Variants in TESK2 observed in about 807,000 individuals in gnomAD.
TESK2 encodes dual specificity testis-specific protein kinase 2.
TESK2 carries 39 observed loss-of-function variants against 57.1 expected under a neutral mutation model. The observed-to-expected ratio is 0.68, with a 90% confidence interval of 0.53 to 0.89. The LOEUF (loss-of-function observed/expected upper bound fraction) is 0.89. Ranked by LOEUF, TESK2 falls within the 40% of genes least tolerant of loss-of-function variation. The pLI is 0.00. For missense variants in TESK2, 646 were observed against 732.1 expected (o/e 0.88, Z 1.36); for synonymous variants, 249 against 267.9 (o/e 0.93, Z 0.69).
chr1:45,446,670 C>G (rs770610341), intron 2 of TESK2, among the ~76,000 whole-genome samples: 2 of 152,034 alleles, frequency 1.3e-5, no homozygotes, highest in Non-Finnish European at 2.9e-5. Flanking sequence ...TGCATACAAA[C>G]AGTAGGTAAT....
chr1:45,383,469 T>C (rs1453273530), intron 4 of TESK2, among the ~76,000 whole-genome samples: 1 of 152,158 alleles, frequency 6.6e-6, no homozygotes, highest in Non-Finnish European at 1.5e-5. Flanking sequence ...TGGCAATAAA[T>C]ACTCTTCCAT....
chr1:45,362,843 T>TCTAG (rs1647746575), intron 4 of TESK2, among the ~76,000 whole-genome samples: 1 of 152,072 alleles, frequency 6.6e-6, no homozygotes, highest in Non-Finnish European at 1.5e-5. Context: ...CAGAGACTAG[T>TCTAG]CTAGCCTAGA....
intron 4 of TESK2, among the ~76,000 whole-genome samples, chr1:45,357,280 C>T (rs1257084620): frequency 6.6e-6 from 1 of 151,762 alleles, no homozygotes; most frequent in Non-Finnish European, 1.5e-5. Context: ...AGGACAATGA[C>T]ATTCTACATG....
chr1:45,384,373 A>ATCTATCTGTCTGTCTG (rs1553147462), intron 4 of TESK2, among the ~76,000 whole-genome samples: 9 of 135,136 alleles, frequency 6.7e-5, no homozygotes, highest in African/African-American at 2.3e-4. Context: ...GTATCTATCT[A>ATCTATCTGTCTGTCTG]TCTATCTATC....
chr1:45,485,257 C>T (rs1449761107), intron 1 of TESK2, among the ~76,000 whole-genome samples: 1 of 149,430 alleles, frequency 6.7e-6, no homozygotes, highest in Admixed American at 6.7e-5. Context: ...GGCGCGATCT[C>T]GGCTCACTGA....
At chr1:45,469,223 T>C (rs1472068176) in intron 1 of TESK2, among the ~76,000 whole-genome samples, 1 of 152,192 alleles carries the variant, frequency 6.6e-6, no homozygotes, top group African/African-American at 2.4e-5. Flanking sequence ...TTTTTTAATC[T>C]TTCCAAAGTA....
intron 4 of TESK2, among the ~76,000 whole-genome samples, chr1:45,379,264 C>T (rs2149272467): frequency 6.6e-6 from 1 of 152,288 alleles, no homozygotes; most frequent in Admixed American, 6.5e-5. Context: ...CTCCTGGGCT[C>T]AAGTAATCCT....
chr1:45,425,902 T>C (rs1216102508), intron 2 of TESK2, among the ~76,000 whole-genome samples: 1 of 152,014 alleles, frequency 6.6e-6, no homozygotes, highest in Non-Finnish European at 1.5e-5. Flanking sequence ...CCCAGCACTT[T>C]GGGAGGCCGA....
intron 2 of TESK2, among the ~76,000 whole-genome samples, chr1:45,429,170 G>A (rs951462201): frequency 3.9e-5 from 6 of 152,092 alleles, no homozygotes; most frequent in African/African-American, 1.4e-4. Context: ...CTGAAAGCTC[G>A]CCAGGTGCGG....
intron 5 of TESK2, 39 bp from the exon 6 acceptor site, chr1:45,348,039 A>C: frequency 3.1e-5 from 43 of 1,365,530 alleles, no homozygotes; most frequent in African/African-American, 4.3e-5. Flanking sequence ...AATGTGGCTC[A>C]GAAGCGGGGA....
intron 4 of TESK2, among the ~76,000 whole-genome samples, chr1:45,359,570 T>A (rs1008491007): frequency 1.3e-5 from 2 of 149,208 alleles, no homozygotes; most frequent in East Asian, 2.0e-4. Context: ...GAAAAAAAAA[T>A]ATGTAAAAGT....
In TESK2 at chr1:45,401,170, G is replaced by A. The variant is rs144849059; in HGVS notation, c.345-15210C>T. 1.1e-3 allele frequency among the ~76,000 whole-genome samples: 164 copies of A among 152,188 alleles called. 1 individual carries two copies. The East Asian group carries it at 0.029, about 27-fold the overall frequency. On this transcript the variant is annotated intron_variant, in intron 3 of 10. Coordinates refer to ENST00000372086, the MANE Select transcript of TESK2 (RefSeq NM_007170.3). The stretch of plus-strand genomic sequence containing the variant: ...CCAGCACTTTGGGAGGCCAAGGCAG[G>A]TGGATCACCTGAGGTCAGAAGTTTG...
Position 45,345,388 on chromosome 1 carries a change from G to A in TESK2, c.1168C>T (p.Arg390Ter), listed in dbSNP as rs866424078. The change falls in exon 11 of 11, where the codon CGA becomes TGA. Residue 390 changes from arginine (R) to a stop codon, truncating the protein, a stop_gained. Coordinates refer to ENST00000372086, the MANE Select transcript of TESK2 (RefSeq NM_007170.3). LOFTEE classifies it high-confidence loss of function. ...TTGGGGGTGCGGGCAGCACCATCTC[G>A]TGGCCGGTAGTATGGGTCCAAGACA... ...VSVLDPYYRP[R>*]DGAARTPKVN... 7.4e-6 allele frequency: 12 copies of A among 1,614,016 alleles called. No homozygotes were observed. The highest frequency in any genetic ancestry group is 2.7e-5 in the African/African-American group (2 of 74,902).
At chr1:45,408,907 C>T (rs1415322944) in intron 3 of TESK2, among the ~76,000 whole-genome samples, 1 of 152,136 alleles carries the variant, frequency 6.6e-6, no homozygotes, top group Non-Finnish European at 1.5e-5. Context: ...TAAACCATGT[C>T]TTATTGGGGT....
chr1:45,345,610 C>G (rs776024664), intron 10 of TESK2, 52 bp from the exon 11 acceptor site: 2 of 1,481,182 alleles, frequency 1.4e-6, no homozygotes, highest in South Asian at 2.5e-5. Context: ...CAAATACAAG[C>G]AGCATTTTAC....
At chr1:45,440,936 C>A (rs1463501815) in intron 2 of TESK2, among the ~76,000 whole-genome samples, 1 of 152,128 alleles carries the variant, frequency 6.6e-6, no homozygotes, top group Non-Finnish European at 1.5e-5. Context: ...GAACTGAATG[C>A]TTCCAACAAC....
chr1:45,467,672 G>A (rs1172814912), intron 1 of TESK2, among the ~76,000 whole-genome samples: 2 of 151,506 alleles, frequency 1.3e-5, no homozygotes, highest in Admixed American at 1.3e-4. Context: ...TAATGCAACA[G>A]CTATGTAGCA....
intron 5 of TESK2, among the ~76,000 whole-genome samples, chr1:45,351,217 T>C (rs894425512): frequency 1.3e-5 from 2 of 152,274 alleles, no homozygotes; most frequent in Non-Finnish European, 2.9e-5. Context: ...TACTGGTTAC[T>C]TCTAGAGCTA....
chr1:45,452,986 C>A (rs1421942455), intron 2 of TESK2, among the ~76,000 whole-genome samples: 1 of 151,622 alleles, frequency 6.6e-6, no homozygotes, highest in Non-Finnish European at 1.5e-5. Flanking sequence ...CAGGAGGATG[C>A]AGTCAGCTAT....
Sources: allele counts gnomAD v4.1 joint callset (sites outside exome capture counted in the v4.1 genomes callset), GRCh38; gene constraint gnomAD v4.1.1; transcripts MANE v1.5; gene names NCBI Gene and HGNC (gene_info 2026-07-23, HGNC 2026-07-21).